ZFHX3: variants seen among roughly 807,000 people sequenced by gnomAD.
The protein encoded by ZFHX3 is zinc finger homeobox 3.
ZFHX3 carries 42 observed loss-of-function variants against 279.1 expected under a neutral mutation model. The ratio of observed to expected loss-of-function variants is 0.15; its 90% CI spans 0.12 to 0.19. The LOEUF is 0.19. Among genes scored for constraint, ZFHX3 ranks in the 10% least tolerant of loss-of-function variants. The pLI is 1.00. For synonymous variants in ZFHX3, 2,293 were observed against 1,957.8 expected, an observed-to-expected ratio of 1.17 and a Z score of -4.52; for missense variants, 4,981 against 4,754.0, an observed-to-expected ratio of 1.05 and a Z score of -1.40.
chr16:73,367,486 G>C (rs1225018131), intron 3 of ZFHX3, among the ~76,000 whole-genome samples: 1 of 152,160 alleles, frequency 6.6e-6, no homozygotes. Flanking sequence ...GGCCCACAGA[G>C]ACATGAAAAC....
At position 73,337,894 on chromosome 16, in the gene ZFHX3, G is replaced by C. The variant is rs962541727; in HGVS notation, c.-1290-19558C>G. 4.2e-5 allele frequency among the ~76,000 whole-genome samples: 6 copies of C among 143,344 alleles called. No individual in the cohort carries two copies. In the East Asian group the frequency reaches 1.0e-3, roughly 24 times the overall value. 94.0% of individuals were successfully genotyped at this position (143,344 alleles called of 152,430 possible). A position where few individuals can be genotyped will look rare whatever the true frequency, so the allele number is the denominator to read the frequency against. On this transcript the variant is annotated intron_variant, in intron 3 of 17. Transcript: ENST00000641206. ...AATAAGTCTTCATCTTCCCTTGGCG[G>C]GGGGGGGGGTCCTCATCCCCTTTTT...
intron 1 of ZFHX3, among the ~76,000 whole-genome samples, chr16:73,858,777 G>A (rs1961805761): frequency 1.3e-5 from 2 of 152,152 alleles, no homozygotes; most frequent in South Asian, 4.1e-4. Flanking sequence ...GGGTTTTCAG[G>A]TAGATCATAT....
In ZFHX3 at chr16:72,958,694, C is replaced by G. The variant is rs760050481; in HGVS notation, c.1452G>C (p.Glu484Asp). Residue 484 changes from glutamate to aspartate, a missense_variant, in exon 2 of 10, where the codon GAG becomes GAC. This residue lies in a region of ZFHX3 where 1,068 missense variants were observed against 935.2 expected (regional missense o/e 1.14). Transcript: ENST00000268489. ...EEEEEEEEEE[E>D]EEEDEGCKGL... ...CTTTGCAACCCTCGTCTTCCTCCTC[C>G]TCTTCTTCCTCCTCCTCTTCTTCCT... 4 of 1,611,538 alleles carry G rather than the reference C, an allele frequency of 2.5e-6. No individual in the cohort carries two copies. The East Asian group carries it at 8.9e-5, about 36-fold the overall frequency.
chr16:73,661,578 C>T (rs2052784849), intron 2 of ZFHX3, among the ~76,000 whole-genome samples: 1 of 152,040 alleles, frequency 6.6e-6, no homozygotes, highest in African/African-American at 2.4e-5. Context: ...AAAAATTAGT[C>T]AGGCGTGGTG....
chr16:73,229,714 G>A lies in ZFHX3; in HGVS notation c.-1104+27333C>T, dbSNP rs186459078. 5.2e-3 allele frequency among the ~76,000 whole-genome samples: 796 copies of A among 152,234 alleles called. 9 individuals are homozygous for A. Among genetic ancestry groups the A allele is most frequent in the African/African-American group, 0.017 (721 of 41,534 alleles). On this transcript the variant is annotated intron_variant, in intron 5 of 17. Transcript: ENST00000641206. ...TATCGCAGAAATAAAGGATAAAATA[G>A]TTTCCTTGTAATTTTTAATTCATCT...
intron 3 of ZFHX3, among the ~76,000 whole-genome samples, chr16:73,396,138 G>A (rs772211789): frequency 6.6e-6 from 1 of 152,216 alleles, no homozygotes; most frequent in Admixed American, 6.5e-5. Flanking sequence ...GTTAGAAAAT[G>A]GAAAGACACA....
chr16:73,321,888 C>T (rs943913555), intron 3 of ZFHX3, among the ~76,000 whole-genome samples: 2 of 152,042 alleles, frequency 1.3e-5, no homozygotes, highest in South Asian at 2.1e-4. Context: ...AGAGGGAAAC[C>T]TTCTGGTGCC....
chr16:73,104,552 A>G (rs1283191024), intron 7 of ZFHX3, among the ~76,000 whole-genome samples: 1 of 152,098 alleles, frequency 6.6e-6, no homozygotes, highest in African/African-American at 2.4e-5. Flanking sequence ...CAATGTGACC[A>G]TTTGGGCAAA....
intron 1 of ZFHX3, among the ~76,000 whole-genome samples, chr16:73,816,889 GGAGA>G (rs1960589131): frequency 6.6e-6 from 1 of 152,332 alleles, no homozygotes; most frequent in South Asian, 2.1e-4. Flanking sequence ...GGGTTTCTGA[GGAGA>G]GAGTTGACAA....
intron 1 of ZFHX3, among the ~76,000 whole-genome samples, chr16:73,856,138 T>C (rs547988493): frequency 7.9e-5 from 12 of 152,332 alleles, no homozygotes; most frequent in African/African-American, 2.6e-4. Flanking sequence ...TTTTATAACC[T>C]ATACAAAAGC....
At chr16:73,546,473 GT>G (rs1160572285) in intron 2 of ZFHX3, among the ~76,000 whole-genome samples, 1 of 105,760 alleles carries the variant, frequency 9.5e-6, no homozygotes, top group African/African-American at 3.6e-5. Context: ...GTCGGTAGTT[GT>G]TTTGTTTTGT....
Position 72,793,552 on chromosome 16 carries a change from A to G in ZFHX3, c.9130T>C (p.Phe3044Leu). ...ACTTTGGAGATATGCTGTTGGGAAA[A>G]GATATGGTCACGTACAGACAGCCGA... ...SARLSVRDHI[F>L]SQQHISKVKD... Residue 3044 changes from phenylalanine (F) to leucine (L), a missense_variant, in exon 9 of 10, where the codon TTT (phenylalanine) becomes CTT (leucine). Transcript: ENST00000268489. This position sits in a 1 kb window ranked among gnomAD's most constrained non-coding sequence, Gnocchi z 4.3. 6.2e-7 allele frequency: 1 copy of G among 1,614,200 alleles called. No individual in the cohort carries two copies. The highest frequency in any genetic ancestry group is 8.5e-7 in the Non-Finnish European group (1 of 1,180,042).
At chr16:72,845,909 A>G (rs568105988) in intron 4 of ZFHX3, among the ~76,000 whole-genome samples, 1 of 152,330 alleles carries the variant, frequency 6.6e-6, no homozygotes, top group Admixed American at 6.5e-5. Context: ...CATAGCTAGG[A>G]GGTGACAGCT....
At chr16:73,583,873 A>G (rs2051888119) in intron 2 of ZFHX3, among the ~76,000 whole-genome samples, 1 of 152,204 alleles carries the variant, frequency 6.6e-6, no homozygotes, top group Non-Finnish European at 1.5e-5. Context: ...TAGAGACTGT[A>G]ATATGAACGT....
chr16:73,418,802 C>T (rs2017653246), intron 3 of ZFHX3, among the ~76,000 whole-genome samples: 1 of 152,200 alleles, frequency 6.6e-6, no homozygotes, highest in Non-Finnish European at 1.5e-5. Flanking sequence ...CTTGGCAAAA[C>T]ATTTACATTC....
intron 3 of ZFHX3, among the ~76,000 whole-genome samples, chr16:72,907,747 G>A (rs1172405093): frequency 6.6e-6 from 1 of 151,298 alleles, no homozygotes; most frequent in East Asian, 1.9e-4. Flanking sequence ...CAGGTGGCAG[G>A]ATCTCGGCTC....
intron 2 of ZFHX3, among the ~76,000 whole-genome samples, chr16:73,591,893 G>C (rs1418982759): frequency 6.6e-6 from 1 of 151,674 alleles, no homozygotes; most frequent in Non-Finnish European, 1.5e-5. Flanking sequence ...AATAATTATT[G>C]TTAATAATTT....
In ZFHX3 at chr16:72,786,934, CTT is replaced by C. The variant is rs373880184; in HGVS notation, c.*228_*229del. On this transcript the variant is annotated 3_prime_UTR_variant, in exon 10 of 10. Transcript: ENST00000268489. ...AGGACACAATGTAACAGGGTTAGGG[CTT>C]TTTTTTTTTTTTTAATATTAAAAGA... is the stretch of plus-strand genomic sequence containing the variant. 0.015 allele frequency: 3,037 copies of C among 205,200 alleles called. No individual in the cohort carries two copies. The highest frequency in any genetic ancestry group is 0.024 in the Middle Eastern group (16 of 662). 12.7% of individuals were successfully genotyped at this position (205,200 alleles called of 1,614,324 possible). A position where few individuals can be genotyped will look rare whatever the true frequency, so the allele number is the denominator to read the frequency against.
At chr16:73,196,150 GTTTTT>G (rs11357649) in intron 5 of ZFHX3, among the ~76,000 whole-genome samples, 1 of 104,930 alleles carries the variant, frequency 9.5e-6, no homozygotes, top group Non-Finnish European at 1.9e-5. Context: ...TCTTGAAATA[GTTTTT>G]TTTTTTTTTT....
Sources: gnomAD v4.1 joint callset for allele counts (sites outside exome capture counted in the v4.1 genomes callset) on GRCh38, gnomAD v4.1.1 for gene constraint, gnomAD v4.1.1 regional missense constraint, Gnocchi (gnomAD v3.1) non-coding constraint, MANE v1.5 for transcripts, NCBI Gene and HGNC (gene_info 2026-07-23, HGNC 2026-07-21) for gene names.